Variants in PDE4D observed in about 807,000 individuals in gnomAD.
PDE4D encodes 3',5'-cyclic-AMP phosphodiesterase 4D.
Under a neutral mutation model 87.4 loss-of-function variants are expected in PDE4D, and 24 were observed. That is an observed-to-expected ratio of 0.27 (90% CI 0.20 to 0.39). The LOEUF (loss-of-function observed/expected upper bound fraction) is 0.39, where lower values mean the gene tolerates loss of function less well. Among genes scored for constraint, PDE4D ranks in the 10% least tolerant of loss-of-function variants. PDE4D has a pLI of 1.00. For synonymous variants in PDE4D, 384 were observed against 383.2 expected (o/e 1.00, Z -0.02); for missense variants, 714 against 1,041.0 (o/e 0.69, Z 4.32).
chr5:59,555,400 CT>C (rs1357383857), intron 1 of PDE4D, among the ~76,000 whole-genome samples: 1 of 151,974 alleles, frequency 6.6e-6, no homozygotes, highest in African/African-American at 2.4e-5. Flanking sequence ...GGGTAGTAGG[CT>C]TAGTTCCTGG....
At chr5:60,473,572 C>T (rs1341610822) in intron 1 of PDE4D, among the ~76,000 whole-genome samples, 1 of 152,094 alleles carries the variant, frequency 6.6e-6, no homozygotes. Context: ...TTGCAACTTC[C>T]TCTAAATTAA....
chr5:59,511,926 T>C (rs1810346754), intron 1 of PDE4D, among the ~76,000 whole-genome samples: 1 of 152,108 alleles, frequency 6.6e-6, no homozygotes, highest in Non-Finnish European at 1.5e-5. Flanking sequence ...TATGATACCA[T>C]TCTAATGAGG....
intron 2 of PDE4D, among the ~76,000 whole-genome samples, chr5:60,149,218 A>G (rs1328501628): frequency 6.6e-6 from 1 of 152,182 alleles, no homozygotes; most frequent in African/African-American, 2.4e-5. Context: ...ACTTACAAAG[A>G]AAAGAAGTTT....
At chr5:59,314,565 T>C (rs1328458866) in intron 1 of PDE4D, 1 of 152,130 alleles carries the variant, frequency 6.6e-6, no homozygotes, top group African/African-American at 2.4e-5. Context: ...AGCTCTAGAT[T>C]ACCTCCTTGC....
intron 1 of PDE4D, among the ~76,000 whole-genome samples, chr5:59,439,578 T>A (rs1302283302): frequency 6.6e-6 from 1 of 152,184 alleles, no homozygotes; most frequent in African/African-American, 2.4e-5. Flanking sequence ...ATAGAACACA[T>A]GCAAATATTC....
intron 1 of PDE4D, among the ~76,000 whole-genome samples, chr5:59,439,384 G>A (rs573829836): frequency 8.0e-4 from 121 of 150,866 alleles, no homozygotes; most frequent in African/African-American, 2.8e-3. Context: ...AAAAGAATGG[G>A]GATGTTGGTT....
chr5:59,162,853 C>CAAA lies in PDE4D; in HGVS notation c.808+17739_808+17741dup, dbSNP rs368976708. Among the ~76,000 whole-genome samples the CAAA allele has an allele frequency of 7.1e-3, 862 of 121,586 alleles. 17 individuals carry two copies. The highest frequency in any genetic ancestry group is 0.026 in the African/African-American group (814 of 31,542). The allele number at this position is 121,586 out of a possible 152,430, so 79.8% of individuals were successfully genotyped here. A position where few individuals can be genotyped will look rare whatever the true frequency, so the allele number is the denominator to read the frequency against. On this transcript the variant is annotated intron_variant, in intron 5 of 14. Transcript: ENST00000340635. ...CTGAGCAAAAAGTGAGACCCTGCATCAAAAAAAAAAAAAATTGTAATTAAA... is the reference window on the plus strand; with the variant it reads ...CTGAGCAAAAAGTGAGACCCTGCATCAAAAAAAAAAAAAAAAATTGTAATTAAA...
intron 1 of PDE4D, among the ~76,000 whole-genome samples, chr5:60,462,119 G>A (rs996980905): frequency 3.9e-5 from 6 of 152,134 alleles, no homozygotes; most frequent in African/African-American, 1.4e-4. Flanking sequence ...CATGGAACCA[G>A]CAGTCTGCAG....
chr5:60,247,683 C>T (rs1346757266), intron 1 of PDE4D, among the ~76,000 whole-genome samples: 1 of 151,926 alleles, frequency 6.6e-6, no homozygotes, highest in Admixed American at 6.6e-5. Flanking sequence ...ATCCCATCAC[C>T]TTTTTCTAGA....
intron 1 of PDE4D, among the ~76,000 whole-genome samples, chr5:59,616,337 T>C (rs1018265784): frequency 2.6e-5 from 4 of 152,214 alleles, no homozygotes; most frequent in African/African-American, 9.6e-5. Context: ...TTTCACTTTA[T>C]GTACATGAGT....
intron 6 of PDE4D, among the ~76,000 whole-genome samples, chr5:59,003,345 C>T (rs1750922785): frequency 6.6e-6 from 1 of 152,162 alleles, no homozygotes; most frequent in African/African-American, 2.4e-5. Context: ...ACTAGTACTC[C>T]TCCACCTTCA....
intron 3 of PDE4D, among the ~76,000 whole-genome samples, chr5:59,964,022 G>C (rs1347121894): frequency 1.3e-5 from 2 of 152,146 alleles, no homozygotes; most frequent in Non-Finnish European, 2.9e-5. Flanking sequence ...ATGTGGAAGG[G>C]AAACACATTG....
chr5:59,288,131 A>G (rs1388482433), intron 1 of PDE4D, among the ~76,000 whole-genome samples: 1 of 152,170 alleles, frequency 6.6e-6, no homozygotes, highest in African/African-American at 2.4e-5. Context: ...ATAAGGCATC[A>G]GTGACCAGTC....
Position 59,401,482 on chromosome 5 carries a change from A to G in PDE4D, c.456-185514T>C, listed in dbSNP as rs866737252. Among the ~76,000 whole-genome samples, 767 of 135,816 alleles carry G rather than the reference A, an allele frequency of 5.6e-3. 7 individuals are homozygous for G. Among genetic ancestry groups the G allele is most frequent in the African/African-American group, 0.019 (701 of 36,676 alleles). 89.1% of individuals were successfully genotyped at this position (135,816 alleles called of 152,430 possible). On this transcript the variant is annotated intron_variant, in intron 1 of 14. Coordinates refer to ENST00000340635, the MANE Select transcript of PDE4D (RefSeq NM_001104631.2). ...TATCTATCTATCTATCTATCTATCT[A>G]TCTATTTTGATCCCATGGGGGAGAT...
chr5:60,431,629 T>C (rs1470438041), intron 1 of PDE4D, among the ~76,000 whole-genome samples: 1 of 140,160 alleles, frequency 7.1e-6, no homozygotes, highest in East Asian at 2.3e-4. Flanking sequence ...TCCCAGACGA[T>C]GGGCGGCCAG....
At chr5:59,067,041 G>A (rs1443479903) in intron 5 of PDE4D, among the ~76,000 whole-genome samples, 6 of 144,724 alleles carry the variant, frequency 4.1e-5, no homozygotes, top group Non-Finnish European at 9.2e-5. Flanking sequence ...TAGAGAGAGA[G>A]TTTTGCTCTG....
chr5:59,032,651 C>T (rs1022034034), intron 6 of PDE4D, among the ~76,000 whole-genome samples: 37 of 152,140 alleles, frequency 2.4e-4, no homozygotes, highest in African/African-American at 8.9e-4. Flanking sequence ...TGTTTTTCTT[C>T]TAAGAAATAT....
chr5:59,423,778 G>T (rs555789490), intron 1 of PDE4D, among the ~76,000 whole-genome samples: 1 of 151,176 alleles, frequency 6.6e-6, no homozygotes, highest in Non-Finnish European at 1.5e-5. Context: ...ATGCAGAGAT[G>T]TGGAAGGGAA....
chr5:59,774,665 A>G (rs1763896862), intron 1 of PDE4D, among the ~76,000 whole-genome samples: 1 of 151,798 alleles, frequency 6.6e-6, no homozygotes, highest in African/African-American at 2.4e-5. Context: ...CACAACTTAC[A>G]ATGGCATTTT....
Sources: allele counts gnomAD v4.1 joint callset (sites outside exome capture counted in the v4.1 genomes callset), GRCh38; gene constraint gnomAD v4.1.1; transcripts MANE v1.5; gene names NCBI Gene and HGNC (gene_info 2026-07-23, HGNC 2026-07-21).